The following PLCB4 variants were observed in gnomAD, a reference collection of about 807,000 sequenced individuals.
PLCB4 encodes the protein phospholipase C beta 4.
Under a neutral mutation model 178.8 loss-of-function variants are expected in PLCB4, and 77 were observed. That is an observed-to-expected ratio of 0.43 (90% CI 0.36 to 0.52). The LOEUF is 0.52. Among genes scored for constraint, PLCB4 ranks in the 20% least tolerant of loss-of-function variants. PLCB4 has a pLI of 0.00. For missense variants in PLCB4, 1,024 were observed against 1,453.4 expected (o/e 0.70, Z 4.80); for synonymous variants, 496 against 490.8 (o/e 1.01, Z -0.14).
intron 2 of PLCB4, among the ~76,000 whole-genome samples, chr20:9,195,254 A>G (rs1334094704): frequency 1.3e-5 from 2 of 152,174 alleles, no homozygotes; most frequent in Non-Finnish European, 2.9e-5. Context: ...GTTGGTGTTA[A>G]AATGTAGATT....
intron 3 of PLCB4, among the ~76,000 whole-genome samples, chr20:9,273,880 T>C (rs1244852674): frequency 6.6e-6 from 1 of 152,082 alleles, no homozygotes; most frequent in Non-Finnish European, 1.5e-5. Flanking sequence ...GAAAAGTTAG[T>C]TGGGCTTCTG....
intron 3 of PLCB4, among the ~76,000 whole-genome samples, chr20:9,267,332 C>G (rs568724495): frequency 6.6e-6 from 1 of 152,186 alleles, no homozygotes; most frequent in East Asian, 1.9e-4. Context: ...CTGTGTGTGC[C>G]TTCACTATGT....
chr20:9,288,451 T>C (rs925182311), intron 3 of PLCB4, among the ~76,000 whole-genome samples: 1 of 151,820 alleles, frequency 6.6e-6, no homozygotes, highest in Non-Finnish European at 1.5e-5. Context: ...TGCTCACTTT[T>C]ACATCAATCT....
intron 2 of PLCB4, among the ~76,000 whole-genome samples, chr20:9,111,332 A>T (rs988964267): frequency 6.6e-6 from 1 of 152,188 alleles, no homozygotes; most frequent in African/African-American, 2.4e-5. Context: ...TTGAGATCTC[A>T]TGCTTTTGTA....
At chr20:9,410,659 A>G (rs1024811006) in intron 24 of PLCB4, among the ~76,000 whole-genome samples, 1 of 152,054 alleles carries the variant, frequency 6.6e-6, no homozygotes, top group South Asian at 2.1e-4. Flanking sequence ...ATCAAGTTTC[A>G]TATTCACCCT....
chr20:9,392,759 C>T lies in PLCB4; in HGVS notation c.1324-829C>T, dbSNP rs561607947. On this transcript the variant is annotated intron_variant, in intron 17 of 39. Coordinates refer to ENST00000378473, the MANE Select transcript of PLCB4 (RefSeq NM_001377142.1). ...ACAAGAGAGATCACTGGGGAATGGG[C>T]CAGTTATACCACGCTGCTGGAAGGA... is the stretch of plus-strand genomic sequence containing the variant. Among the ~76,000 whole-genome samples the T allele has an allele frequency of 2.2e-3, 332 of 152,128 alleles. 1 individual carries two copies. Among genetic ancestry groups the T allele is most frequent in the Non-Finnish European group, 3.0e-3 (202 of 68,004 alleles).
At chr20:9,359,709 G>A (rs575472966) in intron 7 of PLCB4, among the ~76,000 whole-genome samples, 2 of 152,166 alleles carry the variant, frequency 1.3e-5, no homozygotes, top group South Asian at 2.1e-4. Context: ...CCAAGGACTG[G>A]AAAATGCGCT....
chr20:9,380,587 A>T (rs1265017917), intron 13 of PLCB4, among the ~76,000 whole-genome samples: 1 of 152,204 alleles, frequency 6.6e-6, no homozygotes, highest in Non-Finnish European at 1.5e-5. Flanking sequence ...ATGTGCAGTA[A>T]CCCTCATTTG....
intron 3 of PLCB4, among the ~76,000 whole-genome samples, chr20:9,272,187 C>A (rs879439521): frequency 2.1e-5 from 3 of 144,062 alleles, no homozygotes; most frequent in South Asian, 2.3e-4. Flanking sequence ...ACGCACCCCC[C>A]TCAAAAAAAA....
intron 38 of PLCB4, among the ~76,000 whole-genome samples, chr20:9,475,607 T>C (rs2044490583): frequency 6.6e-6 from 1 of 152,230 alleles, no homozygotes; most frequent in African/African-American, 2.4e-5. Flanking sequence ...CAAGATATCA[T>C]ACTGATGCTT....
intron 3 of PLCB4, among the ~76,000 whole-genome samples, chr20:9,284,694 T>A (rs908312490): frequency 1.3e-5 from 2 of 151,934 alleles, no homozygotes; most frequent in Admixed American, 6.6e-5. Flanking sequence ...CTATGACATG[T>A]ATAGAAATAC....
At chr20:9,437,621 G>A (rs1019122126) in intron 30 of PLCB4, among the ~76,000 whole-genome samples, 7 of 152,188 alleles carry the variant, frequency 4.6e-5, no homozygotes, top group Non-Finnish European at 7.3e-5. Flanking sequence ...TCCATTGATT[G>A]GATGGTGCCC....
chr20:9,316,137 T>C (rs1217685501), intron 4 of PLCB4, among the ~76,000 whole-genome samples: 1 of 152,060 alleles, frequency 6.6e-6, no homozygotes, highest in Non-Finnish European at 1.5e-5. Flanking sequence ...AAGCCCCTCA[T>C]GTGGAGCAGT....
intron 9 of PLCB4, among the ~76,000 whole-genome samples, chr20:9,369,700 G>A (rs1240329260): frequency 6.6e-6 from 1 of 152,206 alleles, no homozygotes; most frequent in Non-Finnish European, 1.5e-5. Context: ...TTTACCTACA[G>A]CTACTTCTTA....
At chr20:9,457,624 C>T (rs946704420) in intron 34 of PLCB4, 135 bp downstream of exon 34, 16 of 627,154 alleles carry the variant, frequency 2.6e-5, no homozygotes, top group Non-Finnish European at 4.3e-5. Flanking sequence ...TCTGGGATGT[C>T]AGGGGAGCCC....
chr20:9,151,892 G>A (rs981559465), intron 2 of PLCB4, among the ~76,000 whole-genome samples: 2 of 152,142 alleles, frequency 1.3e-5, no homozygotes, highest in African/African-American at 4.8e-5. Context: ...AATGCTGATA[G>A]TGATATAGAC....
At chr20:9,417,687 A>T (rs1012991993) in intron 25 of PLCB4, among the ~76,000 whole-genome samples, 1 of 152,140 alleles carries the variant, frequency 6.6e-6, no homozygotes, top group Non-Finnish European at 1.5e-5. Context: ...TTCTATGAAT[A>T]TGTCTTTCCA....
At chr20:9,430,153 G>T (rs1201512811) in intron 28 of PLCB4, among the ~76,000 whole-genome samples, 1 of 152,212 alleles carries the variant, frequency 6.6e-6, no homozygotes, top group Non-Finnish European at 1.5e-5. Context: ...ACAAATTCGT[G>T]TTGGGCCACA....
chr20:9,361,511 A>C (rs2035327757), intron 7 of PLCB4, among the ~76,000 whole-genome samples: 1 of 152,090 alleles, frequency 6.6e-6, no homozygotes, highest in East Asian at 1.9e-4. Context: ...TATTTAATGG[A>C]TATGGAGTTT....
Sources: gnomAD v4.1 joint callset for allele counts (sites outside exome capture counted in the v4.1 genomes callset) on GRCh38, gnomAD v4.1.1 for gene constraint, MANE v1.5 for transcripts, NCBI Gene and HGNC (gene_info 2026-07-23, HGNC 2026-07-21) for gene names.